Variants in DUSP4 observed in about 807,000 individuals in gnomAD.
DUSP4 encodes dual specificity phosphatase 4.
In DUSP4, 12 loss-of-function variants were observed where a neutral mutation model predicts 27.2. The ratio of observed to expected loss-of-function variants is 0.44; its 90% CI spans 0.28 to 0.71. The LOEUF is 0.71. DUSP4 is among the 30% of genes least tolerant of loss of function. The pLI is 0.14. For missense variants in DUSP4, 448 were observed against 551.3 expected, an observed-to-expected ratio of 0.81 and a Z score of 1.88; for synonymous variants, 257 against 245.2, an observed-to-expected ratio of 1.05 and a Z score of -0.45.
intron 1 of DUSP4, among the ~76,000 whole-genome samples, chr8:29,343,000 T>C (rs1436223744): frequency 6.6e-6 from 1 of 151,916 alleles, no homozygotes; most frequent in African/African-American, 2.4e-5. Flanking sequence ...ACCCCGTCTC[T>C]ACTAAAAATA....
chr8:29,335,070 T>G lies in DUSP4; in HGVS notation c.*1956A>C, dbSNP rs572798980. ...TGGGTGAGCAAGAATGTTCATTAGATGTAGACTCTCAAAGGGCTAAAAAAA... is the reference window on the plus strand; with the variant it reads ...TGGGTGAGCAAGAATGTTCATTAGAGGTAGACTCTCAAAGGGCTAAAAAAA... On this transcript the variant is annotated 3_prime_UTR_variant, in exon 4 of 4. Transcript: ENST00000240100. 3 of 152,292 alleles carry G rather than the reference T, an allele frequency of 2.0e-5. No individual in the cohort carries two copies. The East Asian group carries it at 5.8e-4, about 29-fold the overall frequency. The allele number at this position is 152,292 out of a possible 1,614,324, so 9.4% of individuals were successfully genotyped here.
rs1817540912 is a variant in DUSP4 at position 29,334,489 on chromosome 8, T to C, written c.*2537A>G. The C allele has an allele frequency of 6.6e-6, 1 of 152,258 alleles. No homozygotes were observed. The highest frequency in any genetic ancestry group is 1.5e-5 in the Non-Finnish European group (1 of 68,050). The allele number at this position is 152,258 out of a possible 1,614,324, so 9.4% of individuals were successfully genotyped here. On this transcript the variant is annotated 3_prime_UTR_variant, in exon 4 of 4. Transcript: ENST00000240100. ...GCTTTATAAATAGCTGTTTTGACAT[T>C]GTGATAGAAGGCTTGAATTCGGAGG...
Position 29,350,299 on chromosome 8 carries a change from G to C in DUSP4, c.-21C>G, listed in dbSNP as rs762982368. The C allele has an allele frequency of 1.3e-6, 2 of 1,551,438 alleles. No individual in the cohort carries two copies. Among genetic ancestry groups the C allele is most frequent in the Non-Finnish European group, 1.7e-6 (2 of 1,150,276 alleles). ...ACCATGGTCGCCGGGAACCGAGGCG[G>C]CTGGGCGCGCGAGGAAGAGAAGAGA... On this transcript the variant is annotated 5_prime_UTR_variant, in exon 1 of 4. Coordinates refer to ENST00000240100, the MANE Select transcript of DUSP4 (RefSeq NM_001394.7).
Position 29,336,864 on chromosome 8 carries a change from C to G in DUSP4, c.*162G>C, listed in dbSNP as rs1377664319. The G allele has an allele frequency of 1.7e-5, 17 of 1,029,000 alleles. No individual in the cohort carries two copies. The highest frequency in any genetic ancestry group is 2.2e-5 in the Non-Finnish European group (16 of 733,200). 63.7% of individuals were successfully genotyped at this position (1,029,000 alleles called of 1,614,324 possible). A position where few individuals can be genotyped will look rare whatever the true frequency, so the allele number is the denominator to read the frequency against. On this transcript the variant is annotated 3_prime_UTR_variant, in exon 4 of 4. Coordinates refer to ENST00000240100, the MANE Select transcript of DUSP4 (RefSeq NM_001394.7). Reference sequence around the variant, plus strand: ...TTGCTTTTATTATGTATTCGGAGTCCTTATTGCCATTCTGGCTGGCCTCGT... The same window carrying G: ...TTGCTTTTATTATGTATTCGGAGTCGTTATTGCCATTCTGGCTGGCCTCGT...
rs750209222 is a variant in DUSP4, at chr8:29,338,391, C to T, written c.690G>A (p.Ser230=). The change falls in exon 3 of 4, where the codon TCG becomes TCA. Residue 230 remains serine (S), a synonymous_variant. Coordinates refer to ENST00000240100, the MANE Select transcript of DUSP4 (RefSeq NM_001394.7). ...LGITALLNVS[S]DCPNHFEGHY... is the part of the protein sequence containing the mutation. ...GTCCTTCAAAGTGGTTTGGGCAGTC[C>T]GAGGAGACATTCAACAGAGCCGTGA... 30 of 1,613,958 alleles carry T rather than the reference C, an allele frequency of 1.9e-5. No homozygotes were observed. The highest frequency in any genetic ancestry group is 8.0e-5 in the African/African-American group (6 of 74,890).
chr8:29,347,688 C>T, intron 1 of DUSP4: 1 of 947,560 alleles, frequency 1.1e-6, no homozygotes, highest in Non-Finnish European at 1.3e-6. Context: ...GCGTCGGGGC[C>T]GACTACGAGA....
In DUSP4 at chr8:29,336,733, G is replaced by T. The variant is rs1050045621; in HGVS notation, c.*293C>A. On this transcript the variant is annotated 3_prime_UTR_variant, in exon 4 of 4. Coordinates refer to ENST00000240100, the MANE Select transcript of DUSP4 (RefSeq NM_001394.7). ...TTCAAGCCTTACTGCTTAAAAAAATGAGGTAAGAAATTTCTATCGGAAAAG... is the reference window on the plus strand; with the variant it reads ...TTCAAGCCTTACTGCTTAAAAAAATTAGGTAAGAAATTTCTATCGGAAAAG... 10 of 347,612 alleles carry T rather than the reference G, an allele frequency of 2.9e-5. No individual in the cohort carries two copies. Among genetic ancestry groups the T allele is most frequent in the South Asian group, 1.2e-4 (2 of 16,592 alleles). 21.5% of individuals were successfully genotyped at this position (347,612 alleles called of 1,614,324 possible).
In DUSP4 at chr8:29,333,119, C is replaced by T. The variant is rs1817521043; in HGVS notation, c.*3907G>A. On this transcript the variant is annotated 3_prime_UTR_variant, in exon 4 of 4. Transcript: ENST00000240100. The stretch of plus-strand genomic sequence containing the variant: ...GATCTTTTTCAAGCAATAAATAAAA[C>T]CAGACATATTGACTTCTAAAAAACA... The T allele has an allele frequency of 6.6e-6, 1 of 151,712 alleles. No individual in the cohort carries two copies. Among genetic ancestry groups the T allele is most frequent in the African/African-American group, 2.4e-5 (1 of 41,276 alleles). 9.4% of individuals were successfully genotyped at this position (151,712 alleles called of 1,614,324 possible).
chr8:29,346,814 T>C (rs1192802303), intron 1 of DUSP4, among the ~76,000 whole-genome samples: 1 of 152,234 alleles, frequency 6.6e-6, no homozygotes, highest in African/African-American at 2.4e-5. Context: ...GAAGTAACCC[T>C]TCAACGTGGC....
Position 29,344,048 on chromosome 8 carries a change from C to A in DUSP4, c.434-3805G>T, listed in dbSNP as rs151134483. On this transcript the variant is annotated intron_variant, in intron 1 of 3. Coordinates refer to ENST00000240100, the MANE Select transcript of DUSP4 (RefSeq NM_001394.7). ...AAGGGGCTGGGCTCCTTCCCGTGCC[C>A]CTAGCAGGTGTGCAAGGAGAAGTGG... Among the ~76,000 whole-genome samples the A allele has an allele frequency of 2.8e-3, 432 of 152,260 alleles. 1 individual carries two copies. Among genetic ancestry groups the A allele is most frequent in the African/African-American group, 0.01 (423 of 41,522 alleles).
At chr8:29,345,441 C>T (rs200380509) in intron 1 of DUSP4, 9 of 1,614,086 alleles carry the variant, frequency 5.6e-6, no homozygotes, top group East Asian at 4.5e-5. Context: ...GCTGGGGGCT[C>T]GAACTGGTTT....
In DUSP4 at chr8:29,350,659, G is replaced by A. The variant is rs1420025503; in HGVS notation, c.-381C>T. 3.6e-5 allele frequency: 8 copies of A among 222,508 alleles called. No homozygotes were observed. The highest frequency in any genetic ancestry group is 6.9e-5 in the Non-Finnish European group (8 of 115,130). 13.8% of individuals were successfully genotyped at this position (222,508 alleles called of 1,614,324 possible). On this transcript the variant is annotated 5_prime_UTR_variant, in exon 1 of 4. Transcript: ENST00000240100. Reference sequence around the variant, plus strand: ...AGCGCTGCCCTGCCTACGCTCCTCCGGCGCTCAGCGCACTGCCCCAGCCAG... The same window carrying A: ...AGCGCTGCCCTGCCTACGCTCCTCCAGCGCTCAGCGCACTGCCCCAGCCAG...
chr8:29,347,645 A>C, intron 1 of DUSP4: 1 of 688,566 alleles, frequency 1.5e-6, no homozygotes, highest in African/African-American at 1.9e-5. Flanking sequence ...AAGGATGTCC[A>C]CTTTGAGATG....
chr8:29,344,814 T>A (rs1049687376), intron 1 of DUSP4, among the ~76,000 whole-genome samples: 2 of 151,342 alleles, frequency 1.3e-5, no homozygotes, highest in African/African-American at 4.9e-5. Flanking sequence ...CCTTTGGTGG[T>A]GACTATGGTC....
rs1817564916 is a variant in DUSP4 at position 29,335,885 on chromosome 8, G to A, written c.*1141C>T. On this transcript the variant is annotated 3_prime_UTR_variant, in exon 4 of 4. Transcript: ENST00000240100. ...CTGCAACCACCCAGTGATCATCGGA[G>A]GGAAAAAAGCTTGACTTACTGTGGT... 1 of 152,158 alleles carries A rather than the reference G, an allele frequency of 6.6e-6. No homozygotes were observed. The highest frequency in any genetic ancestry group is 2.1e-4 in the South Asian group (1 of 4,824). 9.4% of individuals were successfully genotyped at this position (152,158 alleles called of 1,614,324 possible). A position where few individuals can be genotyped will look rare whatever the true frequency, so the allele number is the denominator to read the frequency against.
In DUSP4 at chr8:29,334,696, A is replaced by G. The variant is rs762461128; in HGVS notation, c.*2330T>C. 9.9e-5 allele frequency: 15 copies of G among 152,228 alleles called. No individual in the cohort carries two copies. Among genetic ancestry groups the G allele is most frequent in the Non-Finnish European group, 1.9e-4 (13 of 68,072 alleles). 9.4% of individuals were successfully genotyped at this position (152,228 alleles called of 1,614,324 possible). On this transcript the variant is annotated 3_prime_UTR_variant, in exon 4 of 4. Coordinates refer to ENST00000240100, the MANE Select transcript of DUSP4 (RefSeq NM_001394.7). ...TCCTGTCTCTCTGCTGCTGGGACCC[A>G]GGGCTTTTTCAGCTGCAGAACCCAC... is the stretch of plus-strand genomic sequence containing the variant.
At chr8:29,349,735 C>T in intron 1 of DUSP4, 111 bp downstream of exon 1, 1 of 1,354,826 alleles carries the variant, frequency 7.4e-7, no homozygotes, top group Non-Finnish European at 9.6e-7. Context: ...GCGCGGGGAT[C>T]CCCGCAACCA....
In DUSP4 at chr8:29,334,105, G is replaced by C. The variant is rs1817535453; in HGVS notation, c.*2921C>G. 1.3e-5 allele frequency: 2 copies of C among 152,090 alleles called. No individual in the cohort carries two copies. The highest frequency in any genetic ancestry group is 6.5e-5 in the Admixed American group (1 of 15,268). The allele number at this position is 152,090 out of a possible 1,614,324, so 9.4% of individuals were successfully genotyped here. A position where few individuals can be genotyped will look rare whatever the true frequency, so the allele number is the denominator to read the frequency against. ...CAGGGCTCCTCAACACACACCCCTG[G>C]GTCAGACGTTCTGGGAGGGAATAGG... On this transcript the variant is annotated 3_prime_UTR_variant, in exon 4 of 4. Transcript: ENST00000240100.
intron 1 of DUSP4, among the ~76,000 whole-genome samples, chr8:29,344,495 T>G (rs547005090): frequency 6.6e-6 from 1 of 152,352 alleles, no homozygotes; most frequent in South Asian, 2.1e-4. Context: ...AATCTCTCAT[T>G]TTATCACCTT....
Sources: allele counts gnomAD v4.1 joint callset (sites outside exome capture counted in the v4.1 genomes callset), GRCh38; gene constraint gnomAD v4.1.1; transcripts MANE v1.5; gene names NCBI Gene and HGNC (gene_info 2026-07-23, HGNC 2026-07-21).